The following RTBDN variants were observed in gnomAD, a reference collection of about 807,000 sequenced individuals.
The protein encoded by RTBDN is retbindin.
Under a neutral mutation model 21.9 loss-of-function variants are expected in RTBDN, and 24 were observed. The ratio of observed to expected loss-of-function variants is 1.10; its 90% CI spans 0.79 to 1.54. The LOEUF (loss-of-function observed/expected upper bound fraction) is 1.54, where lower values mean the gene tolerates loss of function less well. RTBDN is among the 40% of genes most tolerant of loss of function. RTBDN has a pLI of 0.00. For missense variants in RTBDN, 325 were observed against 315.2 expected (o/e 1.03, Z -0.23); for synonymous variants, 141 against 125.9 (o/e 1.12, Z -0.80).
intron 5 of RTBDN, 39 bp downstream of exon 5, chr19:12,826,736 A>G: frequency 8.5e-7 from 1 of 1,182,254 alleles, no homozygotes; most frequent in East Asian, 2.6e-5. Flanking sequence ...GGTGGGGAGG[A>G]TCTCAGTCTC....
At chr19:12,829,145 A>C in intron 2 of RTBDN, 192 bp from the exon 3 acceptor site, 1 of 942,112 alleles carries the variant, frequency 1.1e-6, no homozygotes, top group South Asian at 1.8e-5. Flanking sequence ...TATAATAATC[A>C]ACTTACTTGT....
intron 1 of RTBDN, among the ~76,000 whole-genome samples, chr19:12,831,810 CA>C (rs1301887382): frequency 6.6e-6 from 1 of 152,196 alleles, no homozygotes; most frequent in Non-Finnish European, 1.5e-5. Flanking sequence ...AACATCCCTG[CA>C]GAGGGTATGG....
chr19:12,826,179 A>G, intron 5 of RTBDN: 1 of 1,366,706 alleles, frequency 7.3e-7, no homozygotes, highest in South Asian at 1.7e-5. Context: ...GGTCTGTATC[A>G]AGGCTGGGGT....
intron 5 of RTBDN, 135 bp downstream of exon 5, chr19:12,826,640 G>C: frequency 1.3e-6 from 1 of 743,258 alleles, no homozygotes; most frequent in Non-Finnish European, 2.2e-6. Flanking sequence ...GTTGCATCGA[G>C]CTGAGATCGC....
upstream of RTBDN, chr19:12,834,992 T>C: frequency 6.4e-7 from 1 of 1,568,306 alleles, no homozygotes; most frequent in Non-Finnish European, 8.7e-7. This position sits in a 1 kb window ranked among gnomAD's most constrained non-coding sequence, Gnocchi z 4.7. Flanking sequence ...CCAGGCTTGG[T>C]AATCTGGAGT....
rs1024229116 is a variant in RTBDN, at chr19:12,826,801, C to T, written c.436G>A (p.Glu146Lys). 4.5e-6 allele frequency: 7 copies of T among 1,554,844 alleles called. No homozygotes were observed. The highest frequency in any genetic ancestry group is 3.9e-5 in the Admixed American group (2 of 51,610). ...WLPLSEKRGCEPSCLTYGQTF... is the reference protein window; with the variant it reads ...WLPLSEKRGCKPSCLTYGQTF... ...TGTCCATAGGTAAGGCAGCTGGGCT[C>T]ACAGCCCCTTTTTTCTGAGAGTGGG... Residue 146 changes from glutamate to lysine, a missense_variant, in exon 5 of 6, where the codon GAG becomes AAG. By Grantham distance (56) the Glu-to-Lys change is moderately conservative (BLOSUM62 1). Transcript: ENST00000674343.
intron 2 of RTBDN, chr19:12,829,172 A>T: frequency 1.4e-6 from 1 of 737,138 alleles, no homozygotes; most frequent in Non-Finnish European, 2.1e-6. Context: ...CCTGGTAGTG[A>T]CACATATACT....
intron 4 of RTBDN, among the ~76,000 whole-genome samples, chr19:12,827,405 C>A (rs1199506554): frequency 6.6e-6 from 1 of 150,932 alleles, no homozygotes; most frequent in Admixed American, 6.7e-5. Flanking sequence ...TTCCTGCAAC[C>A]TCTGCCTCCC....
At chr19:12,835,300 G>A, upstream of RTBDN, 2 of 594,076 alleles carry the variant, frequency 3.4e-6, no homozygotes, top group Non-Finnish European at 6.0e-6. Context: ...CCTCTCTGAA[G>A]TGCTCCCACA....
chr19:12,829,711 C>T, intron 2 of RTBDN, 100 bp downstream of exon 2: 1 of 1,262,478 alleles, frequency 7.9e-7, no homozygotes, highest in African/African-American at 1.5e-5. Flanking sequence ...ACCTTGGTGG[C>T]CATGCTAGGC....
chr19:12,827,732 C>T (rs561968519), intron 4 of RTBDN, among the ~76,000 whole-genome samples: 6 of 152,128 alleles, frequency 3.9e-5, no homozygotes, highest in Non-Finnish European at 5.9e-5. Flanking sequence ...ACCTCTCAAA[C>T]GACTGAGATT....
At position 12,830,099 on chromosome 19, in the gene RTBDN, G is replaced by A; in HGVS notation, c.-18-102C>T. Reference sequence around the variant, plus strand: ...AGCAGTGCCAGGCAGAGTAGGGAAAGTGCAGCTGAGGAGGAGGCTGGGGCA... The same window carrying A: ...AGCAGTGCCAGGCAGAGTAGGGAAAATGCAGCTGAGGAGGAGGCTGGGGCA... On this transcript the variant is annotated intron_variant, in intron 1 of 5. Coordinates refer to ENST00000674343, the MANE Select transcript of RTBDN (RefSeq NM_001270441.2). The surrounding 1 kb of genome is among the most constrained non-coding windows in gnomAD (Gnocchi z 4.2). 3 of 1,397,066 alleles carry A rather than the reference G, an allele frequency of 2.1e-6. No individual in the cohort carries two copies. Among genetic ancestry groups the A allele is most frequent in the Admixed American group, 2.2e-5 (1 of 46,384 alleles). 86.5% of individuals were successfully genotyped at this position (1,397,066 alleles called of 1,614,324 possible).
chr19:12,826,143 T>G, intron 5 of RTBDN: 8 of 1,354,750 alleles, frequency 5.9e-6, no homozygotes, highest in East Asian at 3.1e-5. Flanking sequence ...GAATCAGGGT[T>G]GGGGCAGTTG....
chr19:12,830,307 C>G lies in RTBDN; in HGVS notation c.-18-310G>C. The G allele has an allele frequency of 9.1e-7, 1 of 1,096,156 alleles. No individual in the cohort carries two copies. Among genetic ancestry groups the G allele is most frequent in the African/African-American group, 1.6e-5 (1 of 61,476 alleles). 67.9% of individuals were successfully genotyped at this position (1,096,156 alleles called of 1,614,324 possible). ...CTTTTTAGTCTTCAAGAGACCCCTT[C>G]TTTTCTCAGAATGAAGGGGACCTCC... On this transcript the variant is annotated intron_variant, in intron 1 of 5. Transcript: ENST00000674343. The surrounding 1 kb of genome is among the most constrained non-coding windows in gnomAD (Gnocchi z 4.2).
At position 12,829,816 on chromosome 19, in the gene RTBDN, A is replaced by G. The variant is rs1969490202; in HGVS notation, c.164T>C (p.Leu55Pro). ...AADLGKGKLH[L>P]AGPCCPSEMD... Reference sequence around the variant, plus strand: ...GCAGGGTCTGGGGTGCTCACCTGCCAGGTGCAGCTTGCCTTTGCCCAGATC... The same window carrying G: ...GCAGGGTCTGGGGTGCTCACCTGCCGGGTGCAGCTTGCCTTTGCCCAGATC... The change falls in exon 2 of 6, where the codon CTG (leucine) becomes CCG (proline). Residue 55 changes from leucine to proline, a missense_variant. Physicochemically the swap from Leu to Pro is moderately conservative, Grantham distance 98. Coordinates refer to ENST00000674343, the MANE Select transcript of RTBDN (RefSeq NM_001270441.2). 6.2e-7 allele frequency: 1 copy of G among 1,609,938 alleles called. No individual in the cohort carries two copies. Among genetic ancestry groups the G allele is most frequent in the Non-Finnish European group, 8.5e-7 (1 of 1,176,590 alleles).
At chr19:12,828,527 A>G in intron 4 of RTBDN, 130 bp downstream of exon 4, 1 of 651,548 alleles carries the variant, frequency 1.5e-6, no homozygotes, top group Non-Finnish European at 2.6e-6. Context: ...CTAAACATTA[A>G]GCTGCATCTC....
Position 12,825,672 on chromosome 19 carries a change from A to G in RTBDN, c.*34T>C. On this transcript the variant is annotated 3_prime_UTR_variant, in exon 6 of 6. Transcript: ENST00000674343. ...TGTCCTGAGGGGCGGGGCTGGGGGA[A>G]GGGTCGCTCCCCCAACTCAGGGCCA... 2 of 1,542,596 alleles carry G rather than the reference A, an allele frequency of 1.3e-6. No individual in the cohort carries two copies. Among genetic ancestry groups the G allele is most frequent in the South Asian group, 1.2e-5 (1 of 83,548 alleles).
chr19:12,834,028 G>A lies in RTBDN; in HGVS notation c.-19+461C>T, dbSNP rs1349907187. On this transcript the variant is annotated intron_variant, in intron 1 of 5. Coordinates refer to ENST00000674343, the MANE Select transcript of RTBDN (RefSeq NM_001270441.2). This position sits in a 1 kb window ranked among gnomAD's most constrained non-coding sequence, Gnocchi z 4.7. ...GCAGGTACGCGGCTGCCTGGGCCCC[G>A]GGTGGAGAGGAAGGGGTCGGCGCCC... The A allele has an allele frequency of 7.5e-6, 3 of 398,430 alleles. No homozygotes were observed. The highest frequency in any genetic ancestry group is 1.3e-5 in the Non-Finnish European group (3 of 225,944). 24.7% of individuals were successfully genotyped at this position (398,430 alleles called of 1,614,324 possible). A position where few individuals can be genotyped will look rare whatever the true frequency, so the allele number is the denominator to read the frequency against.
chr19:12,825,892 G>A lies in RTBDN; in HGVS notation c.504C>T (p.Gly168=), dbSNP rs1969274229. Residue 168 remains glycine, a synonymous_variant, in exon 6 of 6, where the codon GGC becomes GGT. Transcript: ENST00000674343. ...CAGGAGCAGCCACCGGTAGGGCGTG[G>A]CCCAGAGCCGAGCGACAAAGGTCCG... The part of the protein sequence containing the change: ...DGTDLCRSAL[G]HALPVAAPGA... 1.9e-6 allele frequency: 3 copies of A among 1,610,312 alleles called. No homozygotes were observed. The highest frequency in any genetic ancestry group is 2.5e-6 in the Non-Finnish European group (3 of 1,178,280).
Sources: gnomAD v4.1 joint callset for allele counts (sites outside exome capture counted in the v4.1 genomes callset) on GRCh38, gnomAD v4.1.1 for gene constraint, Gnocchi (gnomAD v3.1) non-coding constraint, MANE v1.5 for transcripts, NCBI Gene and HGNC (gene_info 2026-07-23, HGNC 2026-07-21) for gene names.